LPIN2: variants seen among roughly 807,000 people sequenced by gnomAD.
The protein encoded by LPIN2 is phosphatidate phosphatase LPIN2.
A neutral mutation model predicts 111.4 loss-of-function variants in LPIN2; 55 were observed. That is an observed-to-expected ratio of 0.49 (90% CI 0.40 to 0.62). The LOEUF is 0.62. LPIN2 is among the 20% of genes least tolerant of loss of function. The pLI is 0.00. For missense variants in LPIN2, 992 were observed against 1,112.1 expected (o/e 0.89, Z 1.54); for synonymous variants, 425 against 414.0 (o/e 1.03, Z -0.32).
chr18:2,926,473 G>A (rs1200372876), intron 13 of LPIN2, among the ~76,000 whole-genome samples: 2 of 152,228 alleles, frequency 1.3e-5, no homozygotes, highest in African/African-American at 4.8e-5. Context: ...TGGCTGAAGC[G>A]TTCCTCACGG....
chr18:2,922,083 A>C lies in LPIN2; in HGVS notation c.2291T>G (p.Met764Arg), dbSNP rs2077063217. 1.2e-6 allele frequency: 2 copies of C among 1,613,750 alleles called. No individual in the cohort carries two copies. Among genetic ancestry groups the C allele is most frequent in the African/African-American group, 1.3e-5 (1 of 74,934 alleles). Residue 764 changes from methionine to arginine, a missense_variant, in exon 17 of 20, where the codon ATG (methionine) becomes AGG (arginine). Coordinates refer to ENST00000677752, the MANE Select transcript of LPIN2 (RefSeq NM_001375808.2). ...GGAGAACAAGCTGCTGGGGGACAGC[A>C]TCAGGGGGCCCCGGGGCAAGATTGT... ...KGTILPRGPLMLSPSSLFSAF... is the reference protein window; with the variant it reads ...KGTILPRGPLRLSPSSLFSAF...
chr18:2,930,161 C>G (rs1473842951), intron 9 of LPIN2, among the ~76,000 whole-genome samples: 1 of 152,172 alleles, frequency 6.6e-6, no homozygotes, highest in Non-Finnish European at 1.5e-5. Context: ...GTATTACTTA[C>G]ATTTACTTGT....
At chr18:3,007,067 C>T (rs183842632) in intron 1 of LPIN2, among the ~76,000 whole-genome samples, 1 of 139,942 alleles carries the variant, frequency 7.1e-6, no homozygotes, top group African/African-American at 3.3e-5. Context: ...ATCTCTCTCT[C>T]AAGTAGTATT....
At chr18:2,968,536 T>C (rs2077846343) in intron 1 of LPIN2, among the ~76,000 whole-genome samples, 1 of 151,898 alleles carries the variant, frequency 6.6e-6, no homozygotes, top group Non-Finnish European at 1.5e-5. Context: ...GATAATGCTA[T>C]TTGGGAGACT....
At chr18:2,966,434 AT>A (rs2077805580) in intron 1 of LPIN2, among the ~76,000 whole-genome samples, 1 of 152,202 alleles carries the variant, frequency 6.6e-6, no homozygotes, top group Non-Finnish European at 1.5e-5. Flanking sequence ...ACAGATACCC[AT>A]GGATTTGGTA....
intron 7 of LPIN2, among the ~76,000 whole-genome samples, chr18:2,934,947 T>TA (rs887888338): frequency 4.2e-4 from 64 of 152,328 alleles, no homozygotes; most frequent in African/African-American, 1.5e-3. Context: ...GATAACATCT[T>TA]AAACAATAAT....
At chr18:2,990,237 G>C (rs1285558688) in intron 1 of LPIN2, among the ~76,000 whole-genome samples, 1 of 152,186 alleles carries the variant, frequency 6.6e-6, no homozygotes. Flanking sequence ...AAATCTTCAT[G>C]ATCTTGGATT....
chr18:2,931,307 C>T lies in LPIN2; in HGVS notation c.1405G>A (p.Val469Ile). 11 of 1,614,208 alleles carry T rather than the reference C, an allele frequency of 6.8e-6. No individual in the cohort carries two copies. The highest frequency in any genetic ancestry group is 9.3e-6 in the Non-Finnish European group (11 of 1,180,038). ...AGGCCCCCGCAAAGGGAGAGGGTAA[C>T]GTCAGGCAAGTCCATGGCAGAATCT... ...LSDSAMDLPD[V>I]TLSLCGGLSE... Residue 469 changes from valine (V) to isoleucine (I), a missense_variant, in exon 9 of 20, where the codon GTT becomes ATT. Physicochemically the swap from Val to Ile is conservative, Grantham distance 29. Coordinates refer to ENST00000677752, the MANE Select transcript of LPIN2 (RefSeq NM_001375808.2).
intron 12 of LPIN2, 112 bp downstream of exon 12, chr18:2,927,610 G>A: frequency 8.8e-7 from 1 of 1,136,860 alleles, no homozygotes; most frequent in Non-Finnish European, 1.3e-6. Context: ...CTGCTATATG[G>A]TAAAATAGCC....
At chr18:3,008,356 C>G (rs750575964) in intron 1 of LPIN2, among the ~76,000 whole-genome samples, 1 of 152,330 alleles carries the variant, frequency 6.6e-6, no homozygotes, top group Non-Finnish European at 1.5e-5. Context: ...GTGGGAGGAT[C>G]GCTTGAGCCC....
Position 2,937,988 on chromosome 18 carries a change from G to A in LPIN2, c.872C>T (p.Thr291Ile), listed in dbSNP as rs763315273. The A allele has an allele frequency of 1.4e-5, 22 of 1,614,086 alleles. No homozygotes were observed. Among genetic ancestry groups the A allele is most frequent in the Non-Finnish European group, 1.9e-5 (22 of 1,180,040 alleles). The change falls in exon 7 of 20, where the codon ACA (threonine) becomes ATA (isoleucine). Residue 291 changes from threonine to isoleucine, a missense_variant. Around this residue, in one of 4 missense-constraint regions of LPIN2, gnomAD observed 709 missense variants for 753.2 expected, o/e 0.94. Transcript: ENST00000677752. ...SDHHPRTATI[T>I]PSENTHFRVI... ...CCGAAAATGAGTATTTTCTGATGGT[G>A]TAATTGTAGCTGTCCTAGGATGATG...
chr18:2,926,602 G>GC (rs2077134857), intron 13 of LPIN2, 121 bp downstream of exon 13: 1 of 785,414 alleles, frequency 1.3e-6, no homozygotes, highest in Admixed American at 2.1e-5. Context: ...ATATATCACA[G>GC]CATGTAGTAT....
rs1162679392 is a variant in LPIN2 at position 2,946,760 on chromosome 18, G to A, written c.590+4295C>T. ...ACTGGTAGTATGGAACAGATAAGTG[G>A]GGCTGCTAACCACCATAACCAAAGA... On this transcript the variant is annotated intron_variant, in intron 4 of 19. Transcript: ENST00000677752. 8 of 515,802 alleles carry A rather than the reference G, an allele frequency of 1.6e-5. No homozygotes were observed. The East Asian group carries it at 3.0e-4, about 20-fold the overall frequency. The allele number at this position is 515,802 out of a possible 1,614,324, so 32.0% of individuals were successfully genotyped here. A position where few individuals can be genotyped will look rare whatever the true frequency, so the allele number is the denominator to read the frequency against.
intron 1 of LPIN2, among the ~76,000 whole-genome samples, chr18:2,991,282 GA>G (rs1691483367): frequency 6.6e-6 from 1 of 152,182 alleles, no homozygotes; most frequent in South Asian, 2.1e-4. Flanking sequence ...TGTGAAATAT[GA>G]AAATAAAATT....
At chr18:2,950,599 T>A in intron 4 of LPIN2, 1 of 202,442 alleles carries the variant, frequency 4.9e-6, no homozygotes, top group South Asian at 8.3e-5. Flanking sequence ...ACAGAGCAGG[T>A]AAATAAGCAG....
intron 1 of LPIN2, among the ~76,000 whole-genome samples, chr18:3,000,923 T>G: frequency 3.0e-5 from 1 of 32,974 alleles, no homozygotes; most frequent in East Asian, 3.2e-3. Flanking sequence ...CAAAGAAAGG[T>G]GCTAAAAAAA....
At chr18:2,944,333 CTTTTTTTTTTTTTTTTT>C (rs768515839) in intron 4 of LPIN2, among the ~76,000 whole-genome samples, 14 of 51,348 alleles carry the variant, frequency 2.7e-4, no homozygotes, top group Admixed American at 9.3e-4. Flanking sequence ...TTTCCACAAA[CTTTTTTTTTTTTTTTTT>C]TTTTTTTTTT....
intron 17 of LPIN2, 122 bp downstream of exon 17, chr18:2,921,925 G>C (rs1157711578): frequency 7.4e-7 from 1 of 1,344,134 alleles, no homozygotes; most frequent in Admixed American, 2.7e-5. Flanking sequence ...AGGGACCAAA[G>C]AACTGGGAGA....
chr18:2,942,463 C>T (rs1420564159), intron 4 of LPIN2, among the ~76,000 whole-genome samples: 5 of 152,184 alleles, frequency 3.3e-5, no homozygotes, highest in Admixed American at 1.3e-4. Context: ...AAAAGTCACA[C>T]AAATTTCTAA....
Sources: allele counts gnomAD v4.1 joint callset (sites outside exome capture counted in the v4.1 genomes callset), GRCh38; gene constraint gnomAD v4.1.1; regional missense constraint gnomAD v4.1.1; transcripts MANE v1.5; gene names NCBI Gene and HGNC (gene_info 2026-07-23, HGNC 2026-07-21).